The following CAMK4 variants were observed in gnomAD, a reference collection of about 807,000 sequenced individuals.
CAMK4 encodes calcium/calmodulin-dependent protein kinase type IV.
A neutral mutation model predicts 44.9 loss-of-function variants in CAMK4; 22 were observed. That is an observed-to-expected ratio of 0.49 (90% confidence interval 0.35 to 0.70). CAMK4 has a LOEUF of 0.70. CAMK4 is among the 30% of genes least tolerant of loss of function. The pLI is 0.01. For missense variants in CAMK4, 498 were observed against 586.8 expected, an observed-to-expected ratio of 0.85 and a Z score of 1.56; for synonymous variants, 218 against 215.4, an observed-to-expected ratio of 1.01 and a Z score of -0.11.
chr5:111,224,720 G>T lies in CAMK4; in HGVS notation c.161+76G>T. On this transcript the variant is annotated intron_variant, in intron 1 of 10. Coordinates refer to ENST00000282356, the MANE Select transcript of CAMK4 (RefSeq NM_001744.6). This position sits in a 1 kb window ranked among gnomAD's most constrained non-coding sequence, Gnocchi z 5.7. The stretch of plus-strand genomic sequence containing the variant: ...TCCCTCTCGCAGCGACGGCTCGGAG[G>T]GTGCGGGAGCCTGCCTTCGTGCCCT... The T allele has an allele frequency of 1.1e-5, 16 of 1,427,172 alleles. No individual in the cohort carries two copies. Among genetic ancestry groups the T allele is most frequent in the South Asian group, 1.3e-5 (1 of 76,830 alleles). 88.4% of individuals were successfully genotyped at this position (1,427,172 alleles called of 1,614,324 possible).
At chr5:111,279,273 G>A (rs540694958) in intron 1 of CAMK4, among the ~76,000 whole-genome samples, 1 of 152,128 alleles carries the variant, frequency 6.6e-6, no homozygotes, top group Non-Finnish European at 1.5e-5. Flanking sequence ...AAGGGACCTG[G>A]GTTTCCGGCC....
intron 1 of CAMK4, among the ~76,000 whole-genome samples, chr5:111,249,387 A>C (rs932580046): frequency 4.6e-5 from 7 of 151,782 alleles, no homozygotes; most frequent in African/African-American, 1.5e-4. Flanking sequence ...AAAAAATATA[A>C]TCTAAATGTT....
intron 5 of CAMK4, among the ~76,000 whole-genome samples, chr5:111,409,510 G>T (rs1752557394): frequency 6.6e-6 from 1 of 152,232 alleles, no homozygotes; most frequent in South Asian, 2.1e-4. Context: ...GGGAGGGGCT[G>T]CTGTGAAGGT....
intron 5 of CAMK4, among the ~76,000 whole-genome samples, chr5:111,421,121 A>T (rs1014647504): frequency 1.3e-5 from 2 of 152,228 alleles, no homozygotes; most frequent in Admixed American, 1.3e-4. Context: ...GAACTAATAA[A>T]TGTCCATGAA....
In CAMK4 at chr5:111,490,081, GATTC is replaced by G. The variant is rs1360454933; in HGVS notation, c.*5619_*5622del. 6.6e-6 allele frequency: 1 copy of G among 152,134 alleles called. No homozygotes were observed. The highest frequency in any genetic ancestry group is 6.5e-5 in the Admixed American group (1 of 15,280). The allele number at this position is 152,134 out of a possible 1,614,324, so 9.4% of individuals were successfully genotyped here. A position where few individuals can be genotyped will look rare whatever the true frequency, so the allele number is the denominator to read the frequency against. On this transcript the variant is annotated 3_prime_UTR_variant, in exon 11 of 11. Coordinates refer to ENST00000282356, the MANE Select transcript of CAMK4 (RefSeq NM_001744.6). ...ATATATACATTTAATCGTTGCTTGT[GATTC>G]ATTGTGTCAAAATAACATTTAATTT...
At chr5:111,429,833 A>G (rs980222053) in intron 5 of CAMK4, among the ~76,000 whole-genome samples, 2 of 148,448 alleles carry the variant, frequency 1.3e-5, no homozygotes, top group Non-Finnish European at 3.0e-5. Flanking sequence ...CCTCCTAGTA[A>G]AGAAAAGCCC....
intron 8 of CAMK4, among the ~76,000 whole-genome samples, chr5:111,474,660 C>G (rs1311006354): frequency 6.6e-6 from 1 of 152,106 alleles, no homozygotes; most frequent in Non-Finnish European, 1.5e-5. Flanking sequence ...TAATAGTGAT[C>G]TTAAAAAATT....
chr5:111,404,001 G>C (rs1473943785), intron 5 of CAMK4, among the ~76,000 whole-genome samples: 3 of 152,124 alleles, frequency 2.0e-5, no homozygotes, highest in Non-Finnish European at 4.4e-5. Flanking sequence ...AAGGTTACAG[G>C]CTGTAAGGTG....
At chr5:111,407,347 T>TAAAA (rs11410135) in intron 5 of CAMK4, among the ~76,000 whole-genome samples, 4 of 136,736 alleles carry the variant, frequency 2.9e-5, no homozygotes, top group African/African-American at 1.1e-4. Flanking sequence ...AGAGACTCCT[T>TAAAA]AAAAAAAAAA....
chr5:111,254,035 T>C (rs1188763984), intron 1 of CAMK4, among the ~76,000 whole-genome samples: 1 of 152,228 alleles, frequency 6.6e-6, no homozygotes, highest in Non-Finnish European at 1.5e-5. Context: ...AAAACTACCA[T>C]AGTTTAAGAT....
chr5:111,396,893 G>T (rs1413942537), intron 5 of CAMK4, among the ~76,000 whole-genome samples: 1 of 151,900 alleles, frequency 6.6e-6, no homozygotes, highest in Admixed American at 6.6e-5. Flanking sequence ...CACCCACCTT[G>T]GCTTCCCAAA....
At chr5:111,438,780 C>G (rs1189051407) in intron 5 of CAMK4, among the ~76,000 whole-genome samples, 1 of 152,138 alleles carries the variant, frequency 6.6e-6, no homozygotes, top group Non-Finnish European at 1.5e-5. Context: ...ACTGAGTGCC[C>G]AGCTCCCTTT....
chr5:111,241,426 C>T (rs754605427), intron 1 of CAMK4, among the ~76,000 whole-genome samples: 1 of 152,102 alleles, frequency 6.6e-6, no homozygotes, highest in Non-Finnish European at 1.5e-5. Flanking sequence ...GAAGTGCCCT[C>T]CTTGTGACAT....
chr5:111,378,633 A>T (rs1265282262), intron 4 of CAMK4, among the ~76,000 whole-genome samples: 1 of 152,168 alleles, frequency 6.6e-6, no homozygotes, highest in Non-Finnish European at 1.5e-5. Flanking sequence ...TTTAAACATT[A>T]TAACATTTTG....
At chr5:111,437,428 G>A (rs1401630339) in intron 5 of CAMK4, among the ~76,000 whole-genome samples, 1 of 152,222 alleles carries the variant, frequency 6.6e-6, no homozygotes, top group Non-Finnish European at 1.5e-5. Context: ...TGCATAGTTA[G>A]TGTTAGGCTC....
rs1329349650 is a variant in CAMK4, at chr5:111,492,675, G to A, written c.*8209G>A. The stretch of plus-strand genomic sequence containing the variant: ...GATTTTCTAATTTTGAAGCTTCCCA[G>A]GAGCAGCCCCCTCCAGGAACAATTT... On this transcript the variant is annotated 3_prime_UTR_variant, in exon 11 of 11. Transcript: ENST00000282356. The A allele has an allele frequency of 6.6e-6, 1 of 152,178 alleles. No individual in the cohort carries two copies. The highest frequency in any genetic ancestry group is 1.5e-5 in the Non-Finnish European group (1 of 68,032). The allele number at this position is 152,178 out of a possible 1,614,324, so 9.4% of individuals were successfully genotyped here. A position where few individuals can be genotyped will look rare whatever the true frequency, so the allele number is the denominator to read the frequency against.
rs1165276252 is a variant in CAMK4, at chr5:111,494,235, T to TTAAG, written c.*9771_*9774dup. 1 of 152,168 alleles carries TTAAG rather than the reference T, an allele frequency of 6.6e-6. No individual in the cohort carries two copies. The highest frequency in any genetic ancestry group is 1.5e-5 in the Non-Finnish European group (1 of 68,030). The allele number at this position is 152,168 out of a possible 1,614,324, so 9.4% of individuals were successfully genotyped here. On this transcript the variant is annotated 3_prime_UTR_variant, in exon 11 of 11. Transcript: ENST00000282356. Reference sequence around the variant, plus strand: ...ATTTGGAGGACAAAGTATAAATATTTTAAGTTTACACAACCAAGATTATAG... The same window carrying TTAAG: ...ATTTGGAGGACAAAGTATAAATATTTTAAGTAAGTTTACACAACCAAGATTATAG...
intron 5 of CAMK4, among the ~76,000 whole-genome samples, chr5:111,422,867 C>T (rs1475209877): frequency 6.6e-6 from 1 of 152,120 alleles, no homozygotes; most frequent in Non-Finnish European, 1.5e-5. Flanking sequence ...ACTTACCATG[C>T]TATATTATGA....
chr5:111,334,128 G>T (rs1749294079), intron 1 of CAMK4, among the ~76,000 whole-genome samples: 1 of 151,542 alleles, frequency 6.6e-6, no homozygotes, highest in African/African-American at 2.4e-5. Context: ...AGTATCATTA[G>T]TATCATTCCT....
Sources: allele counts gnomAD v4.1 joint callset (sites outside exome capture counted in the v4.1 genomes callset), GRCh38; gene constraint gnomAD v4.1.1; non-coding constraint Gnocchi (gnomAD v3.1); transcripts MANE v1.5; gene names NCBI Gene and HGNC (gene_info 2026-07-23, HGNC 2026-07-21).